The following TLN2 variants were observed in gnomAD, a reference collection of about 807,000 sequenced individuals.
TLN2 encodes the protein talin-2.
Under a neutral mutation model 294.7 loss-of-function variants are expected in TLN2, and 118 were observed. The ratio of observed to expected loss-of-function variants is 0.40; its 90% CI spans 0.34 to 0.47. The LOEUF is 0.47. TLN2 is among the 20% of genes least tolerant of loss of function. The pLI is 0.84. For synonymous variants in TLN2, 1,431 were observed against 1,304.5 expected, an observed-to-expected ratio of 1.10 and a Z score of -2.09; for missense variants, 3,083 against 3,282.2, an observed-to-expected ratio of 0.94 and a Z score of 1.48.
At chr15:62,474,081 G>A (rs189095741) in intron 1 of TLN2, among the ~76,000 whole-genome samples, 477 of 152,294 alleles carry the variant, frequency 3.1e-3, no homozygotes, top group Middle Eastern at 6.8e-3. Flanking sequence ...GGTAACGAGC[G>A]AAAGTCTGTA....
chr15:62,583,777 C>T (rs921549847), intron 1 of TLN2, among the ~76,000 whole-genome samples: 1 of 152,130 alleles, frequency 6.6e-6, no homozygotes, highest in African/African-American at 2.4e-5. Flanking sequence ...AGTTCCTGTT[C>T]TCATGGAGTT....
chr15:62,466,091 C>A (rs1404429202), intron 1 of TLN2, among the ~76,000 whole-genome samples: 2 of 152,132 alleles, frequency 1.3e-5, no homozygotes, highest in African/African-American at 4.8e-5. Context: ...GCCCCCTGAT[C>A]AGGGGAGGTA....
At chr15:62,580,313 A>C (rs1184793132) in intron 1 of TLN2, among the ~76,000 whole-genome samples, 1 of 152,168 alleles carries the variant, frequency 6.6e-6, no homozygotes, top group Non-Finnish European at 1.5e-5. Context: ...AGGGTGGTAC[A>C]TTTGTTATAG....
chr15:62,593,541 A>G (rs1165371424), intron 2 of TLN2, among the ~76,000 whole-genome samples: 1 of 152,220 alleles, frequency 6.6e-6, no homozygotes, highest in Non-Finnish European at 1.5e-5. Flanking sequence ...TGGAGAACTC[A>G]AGATCTGAGA....
intron 1 of TLN2, among the ~76,000 whole-genome samples, chr15:62,430,840 G>T (rs2034973266): frequency 6.6e-6 from 1 of 151,530 alleles, no homozygotes; most frequent in Admixed American, 6.6e-5. Flanking sequence ...CAGTTACTGA[G>T]TGATACTCAC....
At chr15:62,822,840 C>T (rs952203049) in intron 54 of TLN2, among the ~76,000 whole-genome samples, 4 of 152,096 alleles carry the variant, frequency 2.6e-5, no homozygotes, top group African/African-American at 9.7e-5. Flanking sequence ...TCTAAAAACT[C>T]ACAGATGAAG....
chr15:62,586,045 C>G (rs1255693741), intron 1 of TLN2, among the ~76,000 whole-genome samples: 1 of 151,958 alleles, frequency 6.6e-6, no homozygotes, highest in Admixed American at 6.6e-5. Flanking sequence ...GCATACCAAG[C>G]CGGATGACTA....
In TLN2 at chr15:62,622,972, C is replaced by T. The variant is rs1230806855; in HGVS notation, c.-37+4497C>T. On this transcript the variant is annotated intron_variant, in intron 3 of 58. Coordinates refer to ENST00000636159, the MANE Select transcript of TLN2 (RefSeq NM_015059.3). The stretch of plus-strand genomic sequence containing the variant: ...CCATCATCTGTCTGTGTGCCCTGCA[C>T]AGCTGGCCCTGAGTGCCAGCCTGTC... 5.3e-5 allele frequency among the ~76,000 whole-genome samples: 8 copies of T among 152,238 alleles called. No individual in the cohort carries two copies. The South Asian group carries it at 1.7e-3, about 32-fold the overall frequency.
intron 16 of TLN2, among the ~76,000 whole-genome samples, chr15:62,699,689 T>C (rs902496211): frequency 3.3e-5 from 5 of 152,200 alleles, no homozygotes; most frequent in Non-Finnish European, 7.4e-5. Context: ...AGAATCTGCA[T>C]TTTAGCCAAG....
At position 62,712,032 on chromosome 15, in the gene TLN2, A is replaced by G. The variant is rs760332207; in HGVS notation, c.2589A>G (p.Ala863=). 6.2e-7 allele frequency: 1 copy of G among 1,614,258 alleles called. No homozygotes were observed. Among genetic ancestry groups the G allele is most frequent in the East Asian group, 2.2e-5 (1 of 44,896 alleles). ...ATTCAAAGAAGCTCCTGGCAGCAGC[A>G]AAACTCTTAGCTGACTCCACTGCTC... ...MENSKKLLAA[A]KLLADSTARM... Residue 863 remains alanine, a synonymous_variant, in exon 22 of 59, where the codon GCA becomes GCG. Transcript: ENST00000636159.
chr15:62,494,435 G>A (rs2038914439), intron 1 of TLN2, among the ~76,000 whole-genome samples: 1 of 152,008 alleles, frequency 6.6e-6, no homozygotes, highest in Non-Finnish European at 1.5e-5. Flanking sequence ...TTGGGAAAGG[G>A]CTGTGTGACC....
At chr15:62,821,399 T>C (rs1242615161) in intron 54 of TLN2, among the ~76,000 whole-genome samples, 1 of 152,200 alleles carries the variant, frequency 6.6e-6, no homozygotes, top group Non-Finnish European at 1.5e-5. Flanking sequence ...GACCCAGATA[T>C]ACTAGGAAAT....
intron 43 of TLN2, 106 bp from the exon 44 acceptor site, chr15:62,781,034 A>C (rs2064120429): frequency 3.8e-6 from 3 of 798,034 alleles, no homozygotes; most frequent in Non-Finnish European, 6.1e-6. Flanking sequence ...GGGCGAAAGA[A>C]TCTCTGAGGC....
intron 1 of TLN2, among the ~76,000 whole-genome samples, chr15:62,556,428 T>C (rs1157515726): frequency 3.3e-5 from 5 of 152,034 alleles, no homozygotes; most frequent in African/African-American, 4.8e-5. Context: ...CACCTCAGCT[T>C]CCTGGGTAGC....
At position 62,708,632 on chromosome 15, in the gene TLN2, A is replaced by C. The variant is rs749441180; in HGVS notation, c.2303A>C (p.Lys768Thr). 6.2e-7 allele frequency: 1 copy of C among 1,614,086 alleles called. No homozygotes were observed. Among genetic ancestry groups the C allele is most frequent in the African/African-American group, 1.3e-5 (1 of 74,932 alleles). The change falls in exon 21 of 59, where the codon AAG becomes ACG. Residue 768 changes from lysine (K) to threonine (T), a missense_variant. Lys to Thr is a moderately conservative substitution (Grantham distance 78, BLOSUM62 -1). Coordinates refer to ENST00000636159, the MANE Select transcript of TLN2 (RefSeq NM_015059.3). ...GCCACTACCGATAGTGAGCTCCTGA[A>C]GCAGGTCAGCGCAGCGGCCAGCGTG... ...QAATTDSELL[K>T]QVSAAASVVS...
rs371774238 is a variant in TLN2, at chr15:62,716,411, C to T, written c.2715C>T (p.Asn905=). The T allele has an allele frequency of 4.6e-5, 74 of 1,611,518 alleles. No individual in the cohort carries two copies. Among genetic ancestry groups the T allele is most frequent in the African/African-American group, 3.6e-4 (27 of 74,742 alleles). ...EAAEGLRVAT[N]AAAQNAIKKK... ...CAGAAGGCCTCCGGGTAGCAACCAA[C>T]GCAGCTGCCCAGAATGCTATTAAGA... The change falls in exon 23 of 59, where the codon AAC becomes AAT. Residue 905 remains asparagine, a synonymous_variant. Transcript: ENST00000636159.
At chr15:62,459,113 G>T (rs1368437112) in intron 1 of TLN2, among the ~76,000 whole-genome samples, 2 of 151,950 alleles carry the variant, frequency 1.3e-5, no homozygotes, top group East Asian at 1.9e-4. Context: ...TTATTCTCCT[G>T]CCTCAGCCTC....
chr15:62,392,586 T>C (rs1314674100), intron 1 of TLN2, among the ~76,000 whole-genome samples: 3 of 152,146 alleles, frequency 2.0e-5, no homozygotes, highest in Non-Finnish European at 4.4e-5. Context: ...CTCTGCTTTG[T>C]GATGGGACAG....
At chr15:62,706,031 T>C (rs1318010084) in intron 19 of TLN2, among the ~76,000 whole-genome samples, 1 of 152,242 alleles carries the variant, frequency 6.6e-6, no homozygotes, top group Non-Finnish European at 1.5e-5. Flanking sequence ...TTCCAATGTA[T>C]CTTCTCATAA....
Sources: allele counts gnomAD v4.1 joint callset (sites outside exome capture counted in the v4.1 genomes callset), GRCh38; gene constraint gnomAD v4.1.1; transcripts MANE v1.5; gene names NCBI Gene and HGNC (gene_info 2026-07-23, HGNC 2026-07-21).